RAB37: variants seen among roughly 807,000 people sequenced by gnomAD.
RAB37 encodes the protein RAB37, member RAS oncogene family.
A neutral mutation model predicts 33.1 loss-of-function variants in RAB37; 29 were observed. The ratio of observed to expected loss-of-function variants is 0.88; its 90% confidence interval spans 0.65 to 1.20. The LOEUF is 1.20. RAB37 is among the 50% of genes most tolerant of loss of function. The probability of loss-of-function intolerance (pLI) is 0.00; values close to 1 mark genes in which losing one functional copy is unlikely to be tolerated. For missense variants in RAB37, 299 were observed against 301.1 expected, an observed-to-expected ratio of 0.99 and a Z score of 0.05; for synonymous variants, 128 against 119.5, an observed-to-expected ratio of 1.07 and a Z score of -0.47.
At chr17:74,714,938 A>G (rs1473033097) in intron 1 of RAB37, among the ~76,000 whole-genome samples, 2 of 152,182 alleles carry the variant, frequency 1.3e-5, no homozygotes, top group African/African-American at 4.8e-5. Flanking sequence ...CCTGGCCAAC[A>G]TGGCAAAACC....
At chr17:74,735,043 AAGAAAGAAAG>A (rs1345054059), upstream of RAB37, among the ~76,000 whole-genome samples, 9 of 147,462 alleles carry the variant, frequency 6.1e-5, no homozygotes, top group African/African-American at 2.2e-4. Context: ...GAAAGAAAGA[AAGAAAGAAAG>A]AAAGAAAGAG....
Position 74,671,680 on chromosome 17 carries a change from C to T in RAB37, c.72+22C>T. On this transcript the variant is annotated intron_variant, in intron 1 of 7. Coordinates refer to the RAB37 transcript ENST00000340415. The surrounding 1 kb of genome is among the most constrained non-coding windows in gnomAD (Gnocchi z 5.0). ...TAAGGTAAACATCTCCTGTATTCCT[C>T]AACCTAACGTTGGAAGAGGCGCCAG... The T allele has an allele frequency of 6.2e-7, 1 of 1,610,526 alleles. No individual in the cohort carries two copies. The highest frequency in any genetic ancestry group is 1.1e-5 in the South Asian group (1 of 91,022).
intron 1 of RAB37, among the ~76,000 whole-genome samples, chr17:74,679,977 CAAA>C (rs11306402): frequency 4.7e-5 from 5 of 107,270 alleles, no homozygotes; most frequent in East Asian, 2.6e-4. Flanking sequence ...GGCTCTGTCT[CAAA>C]AAAAAAAAAA....
rs1460340691 is a variant in RAB37, at chr17:74,671,820, G to C, written c.72+162G>C. ...CTGATCCTGTTTCCTGCTCAAAACA[G>C]AGATGCGTGAGCTCTTGGGGAAGGG... is the stretch of plus-strand genomic sequence containing the variant. On this transcript the variant is annotated intron_variant, in intron 1 of 7. Transcript: ENST00000340415. This position sits in a 1 kb window ranked among gnomAD's most constrained non-coding sequence, Gnocchi z 5.0. 6.6e-6 allele frequency among the ~76,000 whole-genome samples: 1 copy of C among 152,196 alleles called. No homozygotes were observed. The highest frequency in any genetic ancestry group is 1.5e-5 in the Non-Finnish European group (1 of 68,030).
chr17:74,675,291 C>T (rs573653198), intron 1 of RAB37, among the ~76,000 whole-genome samples: 28 of 151,908 alleles, frequency 1.8e-4, no homozygotes, highest in East Asian at 9.7e-4. Flanking sequence ...AAAAATTAGC[C>T]GGGGGTGGTG....
chr17:74,674,443 T>C (rs1265826842), intron 1 of RAB37, among the ~76,000 whole-genome samples: 1 of 150,350 alleles, frequency 6.7e-6, no homozygotes. Flanking sequence ...TTTGGGAAGC[T>C]GAGGCGGGCA....
intron 1 of RAB37, chr17:74,704,735 T>C: frequency 6.2e-7 from 1 of 1,614,208 alleles, no homozygotes; most frequent in Non-Finnish European, 8.5e-7. Context: ...GCCTGATCTG[T>C]AAACACACTG....
chr17:74,742,363 C>A lies in RAB37; in HGVS notation c.246+68C>A. 1 of 1,322,996 alleles carries A rather than the reference C, an allele frequency of 7.6e-7. No homozygotes were observed. Among genetic ancestry groups the A allele is most frequent in the South Asian group, 1.2e-5 (1 of 80,440 alleles). 82.0% of individuals were successfully genotyped at this position (1,322,996 alleles called of 1,614,324 possible). The stretch of plus-strand genomic sequence containing the variant: ...TGCCCTTCCTTCTCACCCTGAACCA[C>A]AGGAGGCCTGCAGCCCTGCCCTCCG... On this transcript the variant is annotated intron_variant, in intron 3 of 8. Coordinates refer to ENST00000392613, the MANE Select transcript of RAB37 (RefSeq NM_001006638.3). This position sits in a 1 kb window ranked among gnomAD's most constrained non-coding sequence, Gnocchi z 4.0.
At chr17:74,691,224 C>T (rs1657099629) in intron 1 of RAB37, among the ~76,000 whole-genome samples, 1 of 152,188 alleles carries the variant, frequency 6.6e-6, no homozygotes, top group Admixed American at 6.5e-5. Context: ...TGCTCTCGAA[C>T]TCCTGGGCTC....
chr17:74,713,261 T>G (rs904018301), intron 1 of RAB37, among the ~76,000 whole-genome samples: 1 of 146,138 alleles, frequency 6.8e-6, no homozygotes, highest in Non-Finnish European at 1.5e-5. Context: ...GCCGAGATCG[T>G]GCCACTTGCA....
At position 74,743,307 on chromosome 17, in the gene RAB37, C is replaced by T; in HGVS notation, c.333C>T (p.Asp111=). Residue 111 remains aspartate, a synonymous_variant, in exon 5 of 9, where the codon GAC becomes GAT. Transcript: ENST00000392613. ...CTCCAGCCTTGCTTCTGCTGTATGACATCACCAACAAATCTTCTTTCGACA... is the reference window on the plus strand; with the variant it reads ...CTCCAGCCTTGCTTCTGCTGTATGATATCACCAACAAATCTTCTTTCGACA... ...RDAQALLLLY[D]ITNKSSFDNI... is the part of the protein sequence containing the mutation. The T allele has an allele frequency of 6.2e-7, 1 of 1,614,128 alleles. No homozygotes were observed. The highest frequency in any genetic ancestry group is 1.7e-5 in the Admixed American group (1 of 60,020).
chr17:74,743,252 C>T (rs1236990386), intron 4 of RAB37, 36 bp from the exon 5 acceptor site: 2 of 1,613,754 alleles, frequency 1.2e-6, no homozygotes, highest in East Asian at 2.2e-5. Flanking sequence ...ATCCGTGCTG[C>T]TGCCTAAGTC....
intron 1 of RAB37, chr17:74,703,293 G>C: frequency 1.6e-6 from 1 of 616,890 alleles, no homozygotes; most frequent in Non-Finnish European, 2.8e-6. Context: ...TGTCTCCCTG[G>C]TCTCTAGGAG....
chr17:74,745,033 C>T lies in RAB37; in HGVS notation c.515C>T (p.Thr172Ile). Residue 172 changes from threonine (T) to isoleucine (I), a missense_variant, in exon 8 of 9, where the codon ACC (threonine) becomes ATC (isoleucine). Coordinates refer to ENST00000392613, the MANE Select transcript of RAB37 (RefSeq NM_001006638.3). The surrounding 1 kb of genome is among the most constrained non-coding windows in gnomAD (Gnocchi z 4.5). ...GAGTACGGTGTTCCCTTCCTGGAGACCAGCGCCAAGACTGGCATGAATGTG... is the reference window on the plus strand; with the variant it reads ...GAGTACGGTGTTCCCTTCCTGGAGATCAGCGCCAAGACTGGCATGAATGTG... ...AREYGVPFLE[T>I]SAKTGMNVEL... is the part of the protein sequence containing the mutation. 4 of 1,614,246 alleles carry T rather than the reference C, an allele frequency of 2.5e-6. No homozygotes were observed. Among genetic ancestry groups the T allele is most frequent in the Non-Finnish European group, 2.5e-6 (3 of 1,180,048 alleles).
intron 1 of RAB37, chr17:74,703,153 A>C: frequency 1.9e-6 from 3 of 1,609,782 alleles, no homozygotes; most frequent in Non-Finnish European, 2.5e-6. Context: ...GCTGTAGTTG[A>C]TGCTTGGTGT....
At chr17:74,722,108 C>T (rs1192383106) in intron 1 of RAB37, among the ~76,000 whole-genome samples, 1 of 151,770 alleles carries the variant, frequency 6.6e-6, no homozygotes, top group African/African-American at 2.4e-5. Context: ...ACAGTGAAAC[C>T]CCATCTCTAC....
At chr17:74,677,780 C>A (rs2031867447) in intron 1 of RAB37, among the ~76,000 whole-genome samples, 1 of 152,154 alleles carries the variant, frequency 6.6e-6, no homozygotes, top group Non-Finnish European at 1.5e-5. Context: ...CCTGCTAGTT[C>A]TCTTAGGATA....
At position 74,729,337 on chromosome 17, in the gene RAB37, T is replaced by G. The variant is rs1487030873; in HGVS notation, c.154T>G (p.Phe52Val). The stretch of plus-strand genomic sequence containing the variant: ...TCAGGGCAAGTTCATCCCCGGCTCC[T>G]TCTCGGCCACTGTGGGCATCGGATT... Residue 52 changes from phenylalanine to valine, a missense_variant, in exon 2 of 8, where the codon TTC (phenylalanine) becomes GTC (valine). Coordinates refer to the RAB37 transcript ENST00000340415. The surrounding 1 kb of genome is among the most constrained non-coding windows in gnomAD (Gnocchi z 4.2). 1.9e-6 allele frequency: 3 copies of G among 1,613,962 alleles called. No individual in the cohort carries two copies. In the African/African-American group the frequency reaches 4.0e-5, roughly 22 times the overall value.
intron 1 of RAB37, among the ~76,000 whole-genome samples, chr17:74,690,914 T>G (rs1035324117): frequency 1.1e-4 from 16 of 152,172 alleles, no homozygotes; most frequent in Admixed American, 3.3e-4. Context: ...TGTTCTCTCT[T>G]GTAGACACTT....
Sources: gnomAD v4.1 joint callset for allele counts (sites outside exome capture counted in the v4.1 genomes callset) on GRCh38, gnomAD v4.1.1 for gene constraint, Gnocchi (gnomAD v3.1) non-coding constraint, MANE v1.5 for transcripts, NCBI Gene and HGNC (gene_info 2026-07-23, HGNC 2026-07-21) for gene names.